The following GABBR1 variants were observed in gnomAD, a reference collection of about 807,000 sequenced individuals.
The protein encoded by GABBR1 is GABA-B receptor, R1 subunit.
GABBR1 carries 35 observed loss-of-function variants against 117.7 expected under a neutral mutation model. The observed-to-expected ratio is 0.30, with a 90% CI of 0.23 to 0.39. The LOEUF (loss-of-function observed/expected upper bound fraction) is 0.39. Ranked by LOEUF, GABBR1 falls within the 10% of genes least tolerant of loss-of-function variation. The pLI is 1.00. For synonymous variants in GABBR1, 442 were observed against 486.6 expected (o/e 0.91, Z 1.21); for missense variants, 709 against 1,241.8 (o/e 0.57, Z 6.45).
At position 29,633,103 on chromosome 6, in the gene GABBR1, G is replaced by A. The variant is rs2127458218; in HGVS notation, c.-254C>T. 1 of 154,308 alleles carries A rather than the reference G, an allele frequency of 6.5e-6. No homozygotes were observed. Among genetic ancestry groups the A allele is most frequent in the East Asian group, 1.9e-4 (1 of 5,216 alleles). The allele number at this position is 154,308 out of a possible 1,614,324, so 9.6% of individuals were successfully genotyped here. ...GGAGCGGGGAGCCGGGAGGGAAGGA[G>A]GCGGCGCCGGGGACCAGGGAGAGCT... On this transcript the variant is annotated 5_prime_UTR_variant, in exon 1 of 23. Coordinates refer to ENST00000377034, the MANE Select transcript of GABBR1 (RefSeq NM_001470.4). This position sits in a 1 kb window ranked among gnomAD's most constrained non-coding sequence, Gnocchi z 4.4.
In GABBR1 at chr6:29,620,825, C is replaced by A. The variant is rs1763671535; in HGVS notation, c.1323+276G>T. ...GTTCCTCCTGACTTCTCACCAACTG[C>A]TCCTCGTCTCCATGGTAACAGCCCT... is the stretch of plus-strand genomic sequence containing the variant. On this transcript the variant is annotated intron_variant, in intron 11 of 22. Coordinates refer to ENST00000377034, the MANE Select transcript of GABBR1 (RefSeq NM_001470.4). This position sits in a 1 kb window ranked among gnomAD's most constrained non-coding sequence, Gnocchi z 4.5. 6.6e-6 allele frequency among the ~76,000 whole-genome samples: 1 copy of A among 152,038 alleles called. No homozygotes were observed. The highest frequency in any genetic ancestry group is 2.4e-5 in the African/African-American group (1 of 41,384).
In GABBR1 at chr6:29,607,344, G is replaced by C. The variant is rs927148191; in HGVS notation, c.1993-126C>G. On this transcript the variant is annotated intron_variant, in intron 16 of 22. Coordinates refer to ENST00000377034, the MANE Select transcript of GABBR1 (RefSeq NM_001470.4). This position sits in a 1 kb window ranked among gnomAD's most constrained non-coding sequence, Gnocchi z 5.0. ...GGCAGGGAGCTCATGGTGGCACAGGGAGGATGCGAAAATGTGAGCAGGACG... is the reference window on the plus strand; with the variant it reads ...GGCAGGGAGCTCATGGTGGCACAGGCAGGATGCGAAAATGTGAGCAGGACG... The C allele has an allele frequency of 4.1e-6, 3 of 738,650 alleles. No individual in the cohort carries two copies. Among genetic ancestry groups the C allele is most frequent in the Non-Finnish European group, 4.7e-6 (2 of 426,124 alleles). 45.8% of individuals were successfully genotyped at this position (738,650 alleles called of 1,614,324 possible).
At position 29,606,930 on chromosome 6, in the gene GABBR1, C is replaced by T; in HGVS notation, c.2184G>A (p.Trp728Ter). The T allele has an allele frequency of 6.2e-7, 1 of 1,614,208 alleles. No individual in the cohort carries two copies. The highest frequency in any genetic ancestry group is 8.5e-7 in the Non-Finnish European group (1 of 1,180,014). Residue 728 changes from tryptophan to a stop codon, truncating the protein, a stop_gained, in exon 18 of 23, where the codon TGG (tryptophan) becomes TGA (stop). Transcript: ENST00000377034. LOFTEE classifies it high-confidence loss of function. This position sits in a 1 kb window ranked among gnomAD's most constrained non-coding sequence, Gnocchi z 4.5. ...VGMDVLTLAI[W>*]QIVDPLHRTI... is the part of the protein sequence containing the mutation. ...TCCGGTGCAGAGGGTCCACGATCTG[C>T]CAGATGGCGAGAGTGAGGACATCCA...
Position 29,607,215 on chromosome 6 carries a change from G to A in GABBR1, c.1996C>T (p.Arg666Cys), listed in dbSNP as rs1762050681. The change falls in exon 17 of 23, where the codon CGC becomes TGC. Residue 666 changes from arginine to cysteine, a missense_variant. Physicochemically the swap from Arg to Cys is radical, Grantham distance 180. This residue lies in a region of GABBR1 where 251 missense variants were observed against 445.3 expected (regional missense o/e 0.56). Transcript: ENST00000377034. This position sits in a 1 kb window ranked among gnomAD's most constrained non-coding sequence, Gnocchi z 5.0. ...RNQFPFVCQA[R>C]LWLLGLGFSL... ...AAGCCCAGGCCCAGGAGCCAGAGGC[G>A]GGCCTAGAAAGGAAGAGAGGGCACA... 7 of 1,613,888 alleles carry A rather than the reference G, an allele frequency of 4.3e-6. No homozygotes were observed. The highest frequency in any genetic ancestry group is 5.9e-6 in the Non-Finnish European group (7 of 1,179,850).
rs1562081711 is a variant in GABBR1, at chr6:29,607,255, G to T, written c.1993-37C>A. 5 of 1,542,348 alleles carry T rather than the reference G, an allele frequency of 3.2e-6. 1 individual carries two copies. Among genetic ancestry groups the T allele is most frequent in the Middle Eastern group, 3.6e-4 (2 of 5,570 alleles). ...GAGAGGGCACAGGCAGAACAGGGTA[G>T]AGTAGTAGCCGGGACTGCAGTAAGG... On this transcript the variant is annotated intron_variant, in intron 16 of 22. Transcript: ENST00000377034. This position sits in a 1 kb window ranked among gnomAD's most constrained non-coding sequence, Gnocchi z 5.0.
In GABBR1 at chr6:29,632,812, C is replaced by A. The variant is rs539501146; in HGVS notation, c.-1+38G>T. Reference sequence around the variant, plus strand: ...CCTCCCCCACCACGCCGCGCGCCCCCTCTCCGAGCCCTGCTAACCCGGGGC... The same window carrying A: ...CCTCCCCCACCACGCCGCGCGCCCCATCTCCGAGCCCTGCTAACCCGGGGC... On this transcript the variant is annotated intron_variant, in intron 1 of 22. Transcript: ENST00000377034. This position sits in a 1 kb window ranked among gnomAD's most constrained non-coding sequence, Gnocchi z 5.8. 3 of 653,812 alleles carry A rather than the reference C, an allele frequency of 4.6e-6. No homozygotes were observed. Among genetic ancestry groups the A allele is most frequent in the Admixed American group, 5.4e-5 (1 of 18,380 alleles). 40.5% of individuals were successfully genotyped at this position (653,812 alleles called of 1,614,324 possible).
At position 29,605,736 on chromosome 6, in the gene GABBR1, A is replaced by G. The variant is rs771402374; in HGVS notation, c.2312-40T>C. 2 of 1,603,486 alleles carry G rather than the reference A, an allele frequency of 1.2e-6. No homozygotes were observed. The highest frequency in any genetic ancestry group is 8.5e-7 in the Non-Finnish European group (1 of 1,178,164). On this transcript the variant is annotated intron_variant, in intron 19 of 22. Coordinates refer to ENST00000377034, the MANE Select transcript of GABBR1 (RefSeq NM_001470.4). This position sits in a 1 kb window ranked among gnomAD's most constrained non-coding sequence, Gnocchi z 4.2. ...GAGAGTCACTTGAGCAACAAGGACC[A>G]CAATGCTCCTCACTCAATCCCCATC...
intron 11 of GABBR1, among the ~76,000 whole-genome samples, chr6:29,614,088 C>G (rs568357640): frequency 6.6e-6 from 1 of 152,314 alleles, no homozygotes; most frequent in African/African-American, 2.4e-5. Context: ...AGTCCATTAT[C>G]AATCCTACCC....
At chr6:29,615,721 G>C (rs1763015199) in intron 11 of GABBR1, among the ~76,000 whole-genome samples, 1 of 151,590 alleles carries the variant, frequency 6.6e-6, no homozygotes, top group Non-Finnish European at 1.5e-5. Context: ...AGGAGTTTGA[G>C]ACAAGACTGG....
At position 29,620,976 on chromosome 6, in the gene GABBR1, C is replaced by T; in HGVS notation, c.1323+125G>A. 1 of 730,418 alleles carries T rather than the reference C, an allele frequency of 1.4e-6. No homozygotes were observed. 45.2% of individuals were successfully genotyped at this position (730,418 alleles called of 1,614,324 possible). On this transcript the variant is annotated intron_variant, in intron 11 of 22. Transcript: ENST00000377034. This position sits in a 1 kb window ranked among gnomAD's most constrained non-coding sequence, Gnocchi z 4.5. ...ATAATGCAGACAAGTTCAGGGTGGG[C>T]ACAGCCCCCTCTTCTCCTTTATATC...
chr6:29,611,615 G>A lies in GABBR1; in HGVS notation c.1631-614C>T, dbSNP rs923053376. On this transcript the variant is annotated intron_variant, in intron 13 of 22. Transcript: ENST00000377034. The surrounding 1 kb of genome is among the most constrained non-coding windows in gnomAD (Gnocchi z 4.6). Reference sequence around the variant, plus strand: ...TTTCCTCTTGTCCTGGATACAAAGAGGAGCTGAAAGGATGTGGAGGTGGGG... The same window carrying A: ...TTTCCTCTTGTCCTGGATACAAAGAAGAGCTGAAAGGATGTGGAGGTGGGG... Among the ~76,000 whole-genome samples, 5 of 152,158 alleles carry A rather than the reference G, an allele frequency of 3.3e-5. No individual in the cohort carries two copies. Among genetic ancestry groups the A allele is most frequent in the African/African-American group, 1.2e-4 (5 of 41,426 alleles).
intron 11 of GABBR1, among the ~76,000 whole-genome samples, chr6:29,618,899 C>T (rs2127424904): frequency 6.6e-6 from 1 of 152,306 alleles, no homozygotes; most frequent in South Asian, 2.1e-4. Flanking sequence ...CTCCCCATCC[C>T]CTACCCCCAA....
At chr6:29,628,011 A>T (rs1307343041) in intron 5 of GABBR1, 3 of 1,279,582 alleles carry the variant, frequency 2.3e-6, no homozygotes, top group Non-Finnish European at 2.9e-6. Flanking sequence ...TCGCGGACTG[A>T]CTGACCGACG....
At position 29,627,356 on chromosome 6, in the gene GABBR1, G is replaced by C. The variant is rs143945878; in HGVS notation, c.657+130C>G. On this transcript the variant is annotated intron_variant, in intron 6 of 22. Coordinates refer to ENST00000377034, the MANE Select transcript of GABBR1 (RefSeq NM_001470.4). This position sits in a 1 kb window ranked among gnomAD's most constrained non-coding sequence, Gnocchi z 4.4. The stretch of plus-strand genomic sequence containing the variant: ...CTCCTGCACCCCCAGCCCATCTCCT[G>C]CCAGTCACACAAGGGAGGGGTCTGC... 2 of 927,116 alleles carry C rather than the reference G, an allele frequency of 2.2e-6. No homozygotes were observed. Among genetic ancestry groups the C allele is most frequent in the Non-Finnish European group, 3.2e-6 (2 of 621,502 alleles). The allele number at this position is 927,116 out of a possible 1,614,324, so 57.4% of individuals were successfully genotyped here. A position where few individuals can be genotyped will look rare whatever the true frequency, so the allele number is the denominator to read the frequency against.
chr6:29,624,069 C>A (rs749987501), intron 6 of GABBR1, 45 bp from the exon 7 acceptor site: 1 of 1,533,718 alleles, frequency 6.5e-7, no homozygotes. Context: ...TGGGGCCCCT[C>A]CCCTGTCTGC....
At position 29,607,177 on chromosome 6, in the gene GABBR1, G is replaced by A. The variant is rs758589287; in HGVS notation, c.2034C>T (p.Tyr678=). 27 of 1,614,018 alleles carry A rather than the reference G, an allele frequency of 1.7e-5. No individual in the cohort carries two copies. The highest frequency in any genetic ancestry group is 2.2e-5 in the Non-Finnish European group (26 of 1,180,036). ...ACCAAATCTTGGTGAACATGGAACC[G>A]TAGCCCAGACTAAAGCCCAGGCCCA... ...WLLGLGFSLG[Y]GSMFTKIWWV... is the part of the protein sequence containing the mutation. The change falls in exon 17 of 23, where the codon TAC becomes TAT. Residue 678 remains tyrosine (Y), a synonymous_variant. Coordinates refer to ENST00000377034, the MANE Select transcript of GABBR1 (RefSeq NM_001470.4). This position sits in a 1 kb window ranked among gnomAD's most constrained non-coding sequence, Gnocchi z 5.0.
chr6:29,613,232 T>C lies in GABBR1; in HGVS notation c.1566+11A>G, dbSNP rs1362139366. 3 of 1,611,374 alleles carry C rather than the reference T, an allele frequency of 1.9e-6. No homozygotes were observed. Among genetic ancestry groups the C allele is most frequent in the East Asian group, 2.2e-5 (1 of 44,852 alleles). On this transcript the variant is annotated intron_variant, in intron 12 of 22. Transcript: ENST00000377034. The surrounding 1 kb of genome is among the most constrained non-coding windows in gnomAD (Gnocchi z 4.1). ...GGAAGACAGGGGAGTATGAAGGAAG[T>C]TTTAACTCACAGAGACACCCTCAAA...
rs1320334969 is a variant in GABBR1 at position 29,620,303 on chromosome 6, T to C, written c.1323+798A>G. Reference sequence around the variant, plus strand: ...TAGTAAAACTTTTTAAATCAAGCTATTTTGGGGCTTTACAACCATTAACTC... The same window carrying C: ...TAGTAAAACTTTTTAAATCAAGCTACTTTGGGGCTTTACAACCATTAACTC... On this transcript the variant is annotated intron_variant, in intron 11 of 22. Transcript: ENST00000377034. The surrounding 1 kb of genome is among the most constrained non-coding windows in gnomAD (Gnocchi z 4.5). 6.6e-6 allele frequency among the ~76,000 whole-genome samples: 1 copy of C among 152,208 alleles called. No homozygotes were observed. The highest frequency in any genetic ancestry group is 1.5e-5 in the Non-Finnish European group (1 of 68,028).
chr6:29,616,955 G>A (rs1295961336), intron 11 of GABBR1, among the ~76,000 whole-genome samples: 1 of 143,140 alleles, frequency 7.0e-6, no homozygotes, highest in Non-Finnish European at 1.5e-5. Flanking sequence ...AGACCATCCT[G>A]GCTAACACGG....
Sources: gnomAD v4.1 joint callset for allele counts (sites outside exome capture counted in the v4.1 genomes callset) on GRCh38, gnomAD v4.1.1 for gene constraint, gnomAD v4.1.1 regional missense constraint, Gnocchi (gnomAD v3.1) non-coding constraint, MANE v1.5 for transcripts, NCBI Gene and HGNC (gene_info 2026-07-23, HGNC 2026-07-21) for gene names.